The following URGCP variants were observed in gnomAD, a reference collection of about 807,000 sequenced individuals.
URGCP encodes the protein up-regulator of cell proliferation.
Under a neutral mutation model 24.6 loss-of-function variants are expected in URGCP, and 13 were observed. The observed-to-expected ratio is 0.53, with a 90% CI of 0.34 to 0.84. The LOEUF (loss-of-function observed/expected upper bound fraction) is 0.84. Ranked by LOEUF, URGCP falls within the 40% of genes least tolerant of loss-of-function variation. The probability of loss-of-function intolerance (pLI) is 0.01; values close to 1 mark genes in which losing one functional copy is unlikely to be tolerated. For missense variants in URGCP, 899 were observed against 1,194.3 expected, an observed-to-expected ratio of 0.75 and a Z score of 3.64; for synonymous variants, 444 against 487.2, an observed-to-expected ratio of 0.91 and a Z score of 1.17.
chr7:43,883,657 G>A (rs1032565021), intron 3 of URGCP, among the ~76,000 whole-genome samples: 3 of 151,894 alleles, frequency 2.0e-5, no homozygotes, highest in African/African-American at 7.3e-5. Flanking sequence ...CACCTTGCCC[G>A]GCCCCAAAAT....
intron 1 of URGCP, chr7:43,919,225 A>G (rs1328494618): frequency 4.6e-6 from 4 of 868,006 alleles, no homozygotes; most frequent in Non-Finnish European, 8.0e-6. Context: ...AACCAGGACA[A>G]GATGAGCAAC....
At chr7:43,920,098 G>A in intron 1 of URGCP, 4 of 1,097,150 alleles carry the variant, frequency 3.6e-6, no homozygotes, top group Non-Finnish European at 5.4e-6. Context: ...CTTACTGGTT[G>A]ACCAAGGCCC....
At chr7:43,915,355 T>A (rs1303893890) in intron 1 of URGCP, among the ~76,000 whole-genome samples, 1 of 152,218 alleles carries the variant, frequency 6.6e-6, no homozygotes, top group East Asian at 1.9e-4. Context: ...GTCCTCAGCC[T>A]TCTTCTGAGG....
intron 1 of URGCP, among the ~76,000 whole-genome samples, chr7:43,924,592 C>A (rs931573405): frequency 6.6e-6 from 1 of 152,152 alleles, no homozygotes; most frequent in South Asian, 2.1e-4. Context: ...ACAAAAATTT[C>A]TGTTGTCAAT....
At position 43,881,124 on chromosome 7, in the gene URGCP, A is replaced by G. The variant is rs1176591967; in HGVS notation, c.202+535T>C. On this transcript the variant is annotated intron_variant, in intron 5 of 5. Transcript: ENST00000453200. Reference sequence around the variant, plus strand: ...CTAGCTTTGCCTGAATGAAACTAGGAACATTGTTTTTCTTGTCCAGACATG... The same window carrying G: ...CTAGCTTTGCCTGAATGAAACTAGGGACATTGTTTTTCTTGTCCAGACATG... The G allele has an allele frequency of 5.7e-6, 4 of 696,012 alleles. No homozygotes were observed. The East Asian group carries it at 1.1e-4, about 19-fold the overall frequency. The allele number at this position is 696,012 out of a possible 1,614,324, so 43.1% of individuals were successfully genotyped here. A position where few individuals can be genotyped will look rare whatever the true frequency, so the allele number is the denominator to read the frequency against.
chr7:43,902,889 T>A (rs992710492), intron 1 of URGCP, among the ~76,000 whole-genome samples: 1 of 152,184 alleles, frequency 6.6e-6, no homozygotes, highest in African/African-American at 2.4e-5. Context: ...GTACTCTACA[T>A]GTCCAGAGTG....
intron 5 of URGCP, chr7:43,881,087 TACTC>T: frequency 1.5e-6 from 1 of 668,822 alleles, no homozygotes; most frequent in Non-Finnish European, 2.7e-6. Context: ...AAACAGGTGT[TACTC>T]AGGTTTCCTA....
At chr7:43,926,442 C>T (rs1034996850), upstream of URGCP, 50 of 1,190,156 alleles carry the variant, frequency 4.2e-5, no homozygotes, top group Non-Finnish European at 5.1e-5. Context: ...GGCTGCGGCT[C>T]CCGGCGTGCA....
At chr7:43,926,616 G>A, upstream of URGCP, 1 of 1,509,578 alleles carries the variant, frequency 6.6e-7, no homozygotes, top group Non-Finnish European at 8.9e-7. Flanking sequence ...TGTGGGCGGG[G>A]CGCCGCTGCC....
chr7:43,885,168 C>T (rs1287868806), intron 3 of URGCP, among the ~76,000 whole-genome samples: 2 of 151,578 alleles, frequency 1.3e-5, no homozygotes, highest in Non-Finnish European at 2.9e-5. Flanking sequence ...TGGTATGATC[C>T]CGGCTCACAG....
intron 1 of URGCP, among the ~76,000 whole-genome samples, chr7:43,913,701 T>G (rs1469068792): frequency 6.6e-6 from 1 of 151,910 alleles, no homozygotes; most frequent in Non-Finnish European, 1.5e-5. Context: ...TTTATTTCAT[T>G]TATTTATTTA....
chr7:43,877,796 C>T lies in URGCP; in HGVS notation c.1667G>A (p.Ser556Asn), dbSNP rs375227925. 1.9e-6 allele frequency: 3 copies of T among 1,603,010 alleles called. No individual in the cohort carries two copies. The African/African-American group carries it at 4.0e-5, about 21-fold the overall frequency. The change falls in exon 6 of 6, where the codon AGC becomes AAC. Residue 556 changes from serine (S) to asparagine (N), a missense_variant. By Grantham distance (46) the Ser-to-Asn change is conservative. Transcript: ENST00000453200. ...CTGCTTCTCACTCAAGGAGGGGCTG[C>T]TGATCCCCGAGATGAACTCCTGCAC... ...SGVQEFISGI[S>N]SPSLSEKQYF...
intron 1 of URGCP, among the ~76,000 whole-genome samples, chr7:43,917,770 G>A (rs1054111820): frequency 1.1e-4 from 17 of 152,106 alleles, no homozygotes; most frequent in Non-Finnish European, 2.4e-4. Context: ...GGTGGCTCAT[G>A]CCTATATTCC....
intron 1 of URGCP, chr7:43,906,180 C>T (rs1185670736): frequency 2.6e-5 from 4 of 152,090 alleles, no homozygotes; most frequent in African/African-American, 4.8e-5. Context: ...TTCCAGGCCT[C>T]CGCGGGTTGC....
At chr7:43,924,343 C>A (rs901828547) in intron 1 of URGCP, among the ~76,000 whole-genome samples, 8 of 152,104 alleles carry the variant, frequency 5.3e-5, no homozygotes, top group African/African-American at 1.9e-4. Flanking sequence ...CTGAATTATA[C>A]AAATGATGCA....
chr7:43,902,594 G>A (rs1326064078), intron 1 of URGCP, among the ~76,000 whole-genome samples: 1 of 152,220 alleles, frequency 6.6e-6, no homozygotes, highest in Non-Finnish European at 1.5e-5. Context: ...ATCTTTCTAA[G>A]GGAATACAGA....
chr7:43,923,879 A>ATT (rs113377627), intron 1 of URGCP, among the ~76,000 whole-genome samples: 18 of 149,682 alleles, frequency 1.2e-4, no homozygotes, highest in African/African-American at 3.9e-4. Context: ...TATTATTATT[A>ATT]TTTTTTTTTT....
At chr7:43,879,333 G>A in intron 5 of URGCP, 73 bp from the exon 6 acceptor site, 2 of 1,505,242 alleles carry the variant, frequency 1.3e-6, no homozygotes, top group Non-Finnish European at 1.8e-6. Flanking sequence ...AGCTGGTGAA[G>A]GAGAGCCCAG....
At position 43,881,534 on chromosome 7, in the gene URGCP, AG is replaced by A; in HGVS notation, c.202+124del. 4.1e-6 allele frequency: 4 copies of A among 970,192 alleles called. No homozygotes were observed. In the South Asian group the frequency reaches 4.6e-5, roughly 11 times the overall value. 60.1% of individuals were successfully genotyped at this position (970,192 alleles called of 1,614,324 possible). On this transcript the variant is annotated intron_variant, in intron 5 of 5. Transcript: ENST00000453200. The stretch of plus-strand genomic sequence containing the variant: ...ACAATGTATAAAGGGTTAATGAAGT[AG>A]GGCATCCTAAACCTGAGTGCTCTGC...
Sources: gnomAD v4.1 joint callset for allele counts (sites outside exome capture counted in the v4.1 genomes callset) on GRCh38, gnomAD v4.1.1 for gene constraint, MANE v1.5 for transcripts, NCBI Gene and HGNC (gene_info 2026-07-23, HGNC 2026-07-21) for gene names.